Variants in PTPRN2 observed in about 807,000 individuals in gnomAD.
PTPRN2 encodes receptor-type tyrosine-protein phosphatase N2.
Under a neutral mutation model 118.8 loss-of-function variants are expected in PTPRN2, and 74 were observed. That is an observed-to-expected ratio of 0.62 (90% CI 0.52 to 0.76). The LOEUF (loss-of-function observed/expected upper bound fraction) is 0.76. PTPRN2 is among the 30% of genes least tolerant of loss of function. The pLI, the probability that PTPRN2 is intolerant of heterozygous loss-of-function variation, is 0.00. For missense variants in PTPRN2, 1,481 were observed against 1,394.4 expected, an observed-to-expected ratio of 1.06 and a Z score of -0.99; for synonymous variants, 641 against 608.0, an observed-to-expected ratio of 1.05 and a Z score of -0.80.
intron 11 of PTPRN2, among the ~76,000 whole-genome samples, chr7:157,920,761 C>A (rs1798652816): frequency 6.6e-6 from 1 of 152,122 alleles, no homozygotes; most frequent in African/African-American, 2.4e-5. Context: ...CCTATACCCT[C>A]CACAGAAATT....
chr7:157,574,332 C>T (rs1043088557), intron 19 of PTPRN2: 1 of 526,812 alleles, frequency 1.9e-6, no homozygotes, highest in Non-Finnish European at 3.9e-6. Flanking sequence ...CCCTGCAGTA[C>T]AGTCACAGTT....
Position 158,296,375 on chromosome 7 carries a change from C to A in PTPRN2, c.277+20444G>T, listed in dbSNP as rs536427169. Among the ~76,000 whole-genome samples the A allele has an allele frequency of 3.3e-5, 5 of 152,292 alleles. No homozygotes were observed. The South Asian group carries it at 1.0e-3, about 32-fold the overall frequency. On this transcript the variant is annotated intron_variant, in intron 3 of 22. Coordinates refer to ENST00000389418, the MANE Select transcript of PTPRN2 (RefSeq NM_002847.5). The stretch of plus-strand genomic sequence containing the variant: ...GGAAAACTGCCTTCCCAGTCCATCT[C>A]CCTCTGGCTCCTGCTGAGAGTTACT...
At chr7:157,825,270 G>A (rs370102021) in intron 12 of PTPRN2, among the ~76,000 whole-genome samples, 1 of 152,090 alleles carries the variant, frequency 6.6e-6, no homozygotes, top group East Asian at 1.9e-4. Flanking sequence ...CCTTCCTGCT[G>A]GCTGAAATGA....
chr7:158,456,559 G>A (rs779656445), intron 2 of PTPRN2, among the ~76,000 whole-genome samples: 12 of 151,454 alleles, frequency 7.9e-5, no homozygotes, highest in Admixed American at 2.6e-4. Flanking sequence ...ATAACGGCAC[G>A]GATGCCATCG....
chr7:158,115,785 A>G (rs1195249806), intron 9 of PTPRN2, among the ~76,000 whole-genome samples: 1 of 152,220 alleles, frequency 6.6e-6, no homozygotes, highest in Non-Finnish European at 1.5e-5. Flanking sequence ...GACTCAGGAC[A>G]GCCCCAGGAC....
intron 9 of PTPRN2, among the ~76,000 whole-genome samples, chr7:158,113,637 C>T (rs1816471483): frequency 6.6e-6 from 1 of 152,188 alleles, no homozygotes; most frequent in Admixed American, 6.5e-5. Flanking sequence ...AGTCTAGCCT[C>T]AGAGCGCAGC....
intron 6 of PTPRN2, among the ~76,000 whole-genome samples, chr7:158,155,571 T>TCAC (rs1821674477): frequency 4.4e-4 from 1 of 2,262 alleles, no homozygotes; most frequent in Non-Finnish European, 1.3e-3. Flanking sequence ...ATCATTGCCA[T>TCAC]CATCACCATC....
Position 158,563,476 on chromosome 7 carries a change from A to G in PTPRN2, c.112+24082T>C, listed in dbSNP as rs189647961. Among the ~76,000 whole-genome samples, 22 of 152,366 alleles carry G rather than the reference A, an allele frequency of 1.4e-4. No homozygotes were observed. Among genetic ancestry groups the G allele is most frequent in the Admixed American group, 1.3e-3 (20 of 15,308 alleles). On this transcript the variant is annotated intron_variant, in intron 1 of 22. Coordinates refer to ENST00000389418, the MANE Select transcript of PTPRN2 (RefSeq NM_002847.5). The surrounding 1 kb of genome is among the most constrained non-coding windows in gnomAD (Gnocchi z 5.1). ...GCGGTGCCAAAACCCAGCTGGTGCA[A>G]GCTAAAAAAATGACCAAGATATAAG...
At position 158,456,843 on chromosome 7, in the gene PTPRN2, C is replaced by T. The variant is rs948603707; in HGVS notation, c.163+32892G>A. 6.6e-5 allele frequency among the ~76,000 whole-genome samples: 10 copies of T among 152,236 alleles called. No individual in the cohort carries two copies. In the East Asian group the frequency reaches 1.2e-3, roughly 18 times the overall value. On this transcript the variant is annotated intron_variant, in intron 2 of 22. Transcript: ENST00000389418. Reference sequence around the variant, plus strand: ...AGGCTGGACGGCGGTGACACAATCACGACTCACTGCAGCCTCCACCTCCTG... The same window carrying T: ...AGGCTGGACGGCGGTGACACAATCATGACTCACTGCAGCCTCCACCTCCTG...
chr7:158,387,886 C>T (rs1811621475), intron 2 of PTPRN2, among the ~76,000 whole-genome samples: 1 of 152,174 alleles, frequency 6.6e-6, no homozygotes, highest in Non-Finnish European at 1.5e-5. Flanking sequence ...CTGCAGATGT[C>T]AGACCCGCCA....
At chr7:157,827,124 C>T (rs1807228754) in intron 12 of PTPRN2, among the ~76,000 whole-genome samples, 1 of 152,166 alleles carries the variant, frequency 6.6e-6, no homozygotes, top group South Asian at 2.1e-4. Context: ...AGCAGACTGG[C>T]TATGAGTTTT....
At chr7:158,372,678 T>C (rs572758325) in intron 2 of PTPRN2, among the ~76,000 whole-genome samples, 1 of 152,306 alleles carries the variant, frequency 6.6e-6, no homozygotes, top group Non-Finnish European at 1.5e-5. Context: ...ACCACGCTGA[T>C]CCCCAGAGTG....
At chr7:158,366,424 C>A (rs1809527099) in intron 2 of PTPRN2, among the ~76,000 whole-genome samples, 1 of 150,416 alleles carries the variant, frequency 6.6e-6, no homozygotes, top group Non-Finnish European at 1.5e-5. Flanking sequence ...AAGCCACAGC[C>A]CAATGCACGC....
chr7:158,463,633 C>CTAT (rs57114918), intron 2 of PTPRN2, among the ~76,000 whole-genome samples: 101,073 of 151,266 alleles, frequency 0.67, 33,861 homozygotes, highest in Admixed American at 0.72. Context: ...ATCATCAACA[C>CTAT]CATCATCATC....
rs1025359036 is a variant in PTPRN2 at position 158,430,518 on chromosome 7, C to G, written c.163+59217G>C. Among the ~76,000 whole-genome samples, 10 of 152,364 alleles carry G rather than the reference C, an allele frequency of 6.6e-5. 1 individual carries two copies. Among genetic ancestry groups the G allele is most frequent in the Admixed American group, 5.9e-4 (9 of 15,310 alleles). ...GCCTCGCACGGCTCAGCGCGGCACCCCCTCCCTGTGGATTCCCGCTCTGAG... is the reference window on the plus strand; with the variant it reads ...GCCTCGCACGGCTCAGCGCGGCACCGCCTCCCTGTGGATTCCCGCTCTGAG... On this transcript the variant is annotated intron_variant, in intron 2 of 22. Transcript: ENST00000389418.
intron 11 of PTPRN2, among the ~76,000 whole-genome samples, chr7:157,970,567 T>C (rs1303192426): frequency 6.6e-6 from 1 of 151,570 alleles, no homozygotes. Flanking sequence ...GCTGCGCAGA[T>C]GGCAGGGGCA....
At chr7:158,127,302 C>T (rs1040986494) in intron 9 of PTPRN2, among the ~76,000 whole-genome samples, 6 of 151,978 alleles carry the variant, frequency 3.9e-5, no homozygotes, top group East Asian at 1.9e-4. Context: ...TCCTCCTCTG[C>T]GTGCACCCTG....
At chr7:158,087,360 C>T (rs1262285870) in intron 10 of PTPRN2, among the ~76,000 whole-genome samples, 1 of 152,122 alleles carries the variant, frequency 6.6e-6, no homozygotes, top group Admixed American at 6.5e-5. Flanking sequence ...TAAATGGCCA[C>T]GTCAGGGTAG....
intron 9 of PTPRN2, among the ~76,000 whole-genome samples, chr7:158,116,096 C>A (rs1232620186): frequency 1.3e-5 from 2 of 152,330 alleles, no homozygotes; most frequent in African/African-American, 4.8e-5. Context: ...CCTCTCCCTG[C>A]ACATGGACAC....
Sources: gnomAD v4.1 joint callset for allele counts (sites outside exome capture counted in the v4.1 genomes callset) on GRCh38, gnomAD v4.1.1 for gene constraint, Gnocchi (gnomAD v3.1) non-coding constraint, MANE v1.5 for transcripts, NCBI Gene and HGNC (gene_info 2026-07-23, HGNC 2026-07-21) for gene names.